CYRIB: variants seen among roughly 807,000 people sequenced by gnomAD.
The protein encoded by CYRIB is CYFIP related Rac1 interactor B.
CYRIB carries 8 observed loss-of-function variants against 44.2 expected under a neutral mutation model. That is an observed-to-expected ratio of 0.18 (90% confidence interval 0.11 to 0.33). The LOEUF (loss-of-function observed/expected upper bound fraction) is 0.33, where lower values mean the gene tolerates loss of function less well. Ranked by LOEUF, CYRIB falls within the 10% of genes least tolerant of loss-of-function variation. CYRIB has a pLI of 1.00. For missense variants in CYRIB, 185 were observed against 382.8 expected (o/e 0.48, Z 4.31); for synonymous variants, 131 against 127.2 (o/e 1.03, Z -0.20).
At chr8:129,868,380 A>G (rs530683479) in intron 4 of CYRIB, among the ~76,000 whole-genome samples, 1 of 152,270 alleles carries the variant, frequency 6.6e-6, no homozygotes, top group East Asian at 1.9e-4. Context: ...ATTACTTATC[A>G]ATGTTTAACA....
At chr8:129,846,750 G>C in intron 11 of CYRIB, 54 bp downstream of exon 13, 3 of 1,222,300 alleles carry the variant, frequency 2.5e-6, no homozygotes, top group East Asian at 5.1e-5. Context: ...CATAAACATC[G>C]ACCATTTTCC....
At chr8:129,950,554 A>G (rs1200816679) in intron 2 of CYRIB, among the ~76,000 whole-genome samples, 1 of 151,886 alleles carries the variant, frequency 6.6e-6, no homozygotes, top group East Asian at 1.9e-4. Context: ...TGGGTGACAA[A>G]GCAAGACCAT....
At position 129,952,749 on chromosome 8, in the gene CYRIB, G is replaced by A. The variant is rs190047818; in HGVS notation, c.-243+18194C>T. 4.6e-4 allele frequency among the ~76,000 whole-genome samples: 70 copies of A among 152,224 alleles called. No individual in the cohort carries two copies. The South Asian group carries it at 0.01, about 22-fold the overall frequency. On this transcript the variant is annotated intron_variant, in intron 2 of 14. Transcript: ENST00000401979. ...GCAAACAGAAGGCTCATGGCTGGTAGTTACTCTATTAATGGAAATAGAATC... is the reference window on the plus strand; with the variant it reads ...GCAAACAGAAGGCTCATGGCTGGTAATTACTCTATTAATGGAAATAGAATC...
chr8:129,946,831 C>G (rs2094174008), intron 2 of CYRIB, among the ~76,000 whole-genome samples: 1 of 152,158 alleles, frequency 6.6e-6, no homozygotes, highest in South Asian at 2.1e-4. Flanking sequence ...AAAAGGGTGC[C>G]ACTGCATCAC....
chr8:130,015,884 T>A (rs1453364876), intron 1 of CYRIB, among the ~76,000 whole-genome samples: 1 of 152,184 alleles, frequency 6.6e-6, no homozygotes, highest in African/African-American at 2.4e-5. Context: ...TCACCCCCTC[T>A]AGTTCCTCAA....
chr8:129,952,536 G>A (rs1341132368), intron 2 of CYRIB, among the ~76,000 whole-genome samples: 3 of 152,140 alleles, frequency 2.0e-5, no homozygotes, highest in South Asian at 4.1e-4. Flanking sequence ...ATAACAAGAT[G>A]AATGTGGAAG....
chr8:129,926,734 G>C (rs1483900999), intron 1 of CYRIB, among the ~76,000 whole-genome samples: 1 of 152,128 alleles, frequency 6.6e-6, no homozygotes, highest in Non-Finnish European at 1.5e-5. Context: ...AAGAACAAAG[G>C]TGGCTATTTC....
chr8:129,988,917 G>T (rs760533801), intron 1 of CYRIB, among the ~76,000 whole-genome samples: 27 of 152,136 alleles, frequency 1.8e-4, no homozygotes, highest in Non-Finnish European at 5.9e-5. Context: ...AACGTTGGGA[G>T]AGTTCATTTC....
intron 2 of CYRIB, among the ~76,000 whole-genome samples, chr8:129,951,804 T>G (rs575262540): frequency 6.6e-6 from 1 of 152,224 alleles, no homozygotes; most frequent in African/African-American, 2.4e-5. Context: ...TCCATAACAT[T>G]TGTCACCTCC....
intron 1 of CYRIB, among the ~76,000 whole-genome samples, chr8:129,909,505 A>C (rs1372796051): frequency 6.6e-6 from 1 of 152,184 alleles, no homozygotes; most frequent in African/African-American, 2.4e-5. Context: ...TCACATCATT[A>C]AAAACTCTGC....
At chr8:129,845,550 T>C (rs2039440991) in intron 11 of CYRIB, among the ~76,000 whole-genome samples, 1 of 152,260 alleles carries the variant, frequency 6.6e-6, no homozygotes, top group Admixed American at 6.5e-5. Flanking sequence ...TCATTTAGAA[T>C]AGATCACCTT....
At chr8:129,946,578 G>C (rs762874319) in intron 2 of CYRIB, among the ~76,000 whole-genome samples, 9 of 152,176 alleles carry the variant, frequency 5.9e-5, no homozygotes, top group Non-Finnish European at 4.4e-5. Flanking sequence ...GATGACATCA[G>C]AGCCGCTATT....
In CYRIB at chr8:129,846,881, A is replaced by T; in HGVS notation, c.841-7T>A. Reference sequence around the variant, plus strand: ...CTTTGATACAACCTTTCATCTAAAGAAAAAGAAAACAGAAAAGGTAAAACA... The same window carrying T: ...CTTTGATACAACCTTTCATCTAAAGTAAAAGAAAACAGAAAAGGTAAAACA... On this transcript the variant is annotated splice_region_variant and splice_polypyrimidine_tract_variant and intron_variant, in intron 10 of 11. Coordinates refer to ENST00000519824, the Ensembl canonical transcript of CYRIB. The T allele has an allele frequency of 6.4e-7, 1 of 1,569,306 alleles. No individual in the cohort carries two copies.
chr8:129,884,357 C>T lies in CYRIB; in HGVS notation c.-10-4886G>A, dbSNP rs569580706. 5.5e-4 allele frequency among the ~76,000 whole-genome samples: 84 copies of T among 152,178 alleles called. 2 individuals are homozygous for T. The South Asian group carries it at 7.1e-3, about 13-fold the overall frequency. On this transcript the variant is annotated intron_variant, in intron 2 of 11. Transcript: ENST00000519824. ...AGACTGGAGTGCAATGGTACAATCTCGGCTCACTGCAACCTTCGCCTCCCA... is the reference window on the plus strand; with the variant it reads ...AGACTGGAGTGCAATGGTACAATCTTGGCTCACTGCAACCTTCGCCTCCCA...
At chr8:129,852,120 G>T (rs768133559) in intron 8 of CYRIB, 42 bp downstream of exon 10, 20 of 1,215,030 alleles carry the variant, frequency 1.6e-5, no homozygotes, top group Middle Eastern at 4.0e-4. Context: ...GCCAACAGGG[G>T]CATAAATAAC....
At chr8:129,981,486 G>A (rs1205090346) in intron 1 of CYRIB, among the ~76,000 whole-genome samples, 3 of 152,156 alleles carry the variant, frequency 2.0e-5, no homozygotes, top group Non-Finnish European at 4.4e-5. Context: ...GACATGGACA[G>A]GAGCTCACTA....
intron 2 of CYRIB, among the ~76,000 whole-genome samples, chr8:129,958,908 T>C (rs895996731): frequency 6.6e-6 from 1 of 150,984 alleles, no homozygotes; most frequent in Middle Eastern, 3.4e-3. Flanking sequence ...CTACTAAAGA[T>C]ACAAAAATTA....
At position 129,947,570 on chromosome 8, in the gene CYRIB, C is replaced by T. The variant is rs184863985; in HGVS notation, c.-243+23373G>A. 4.8e-4 allele frequency among the ~76,000 whole-genome samples: 73 copies of T among 152,046 alleles called. No individual in the cohort carries two copies. In the South Asian group the frequency reaches 9.2e-3, roughly 19 times the overall value. On this transcript the variant is annotated intron_variant, in intron 2 of 14. Transcript: ENST00000401979. Reference sequence around the variant, plus strand: ...TGAATGGATAAAAAAAGGGAGGACCCGAGCAGTAAATAAGGTGCCCCGATG... The same window carrying T: ...TGAATGGATAAAAAAAGGGAGGACCTGAGCAGTAAATAAGGTGCCCCGATG...
chr8:129,842,606 C>CA (rs1474110617), intron 11 of CYRIB, among the ~76,000 whole-genome samples: 23 of 152,096 alleles, frequency 1.5e-4, no homozygotes, highest in Non-Finnish European at 2.8e-4. Context: ...TTTTGGATGA[C>CA]TGGGGGGCAA....
Sources: allele counts gnomAD v4.1 joint callset (sites outside exome capture counted in the v4.1 genomes callset), GRCh38; gene constraint gnomAD v4.1.1; transcripts MANE v1.5; gene names NCBI Gene and HGNC (gene_info 2026-07-23, HGNC 2026-07-21).